SPIDR: variants seen among roughly 807,000 people sequenced by gnomAD.
SPIDR encodes the protein DNA repair-scaffolding protein.
A neutral mutation model predicts 104.6 loss-of-function variants in SPIDR; 93 were observed. The ratio of observed to expected loss-of-function variants is 0.89; its 90% CI spans 0.75 to 1.06. SPIDR has a LOEUF of 1.06. Ranked by LOEUF, SPIDR falls within the 50% of genes least tolerant of loss-of-function variation. SPIDR has a pLI of 0.00. For missense variants in SPIDR, 1,154 were observed against 1,111.2 expected, an observed-to-expected ratio of 1.04 and a Z score of -0.55; for synonymous variants, 431 against 416.9, an observed-to-expected ratio of 1.03 and a Z score of -0.41.
intron 14 of SPIDR, among the ~76,000 whole-genome samples, chr8:47,706,555 A>G (rs2081114569): frequency 6.6e-6 from 1 of 152,182 alleles, no homozygotes; most frequent in Non-Finnish European, 1.5e-5. Flanking sequence ...CTGTCACTGC[A>G]GTCAGAATCC....
At chr8:47,591,930 C>A (rs1483097508) in intron 8 of SPIDR, among the ~76,000 whole-genome samples, 3 of 152,142 alleles carry the variant, frequency 2.0e-5, no homozygotes, top group Admixed American at 1.3e-4. Flanking sequence ...TCACAACAAT[C>A]CAGATGATAC....
At chr8:47,405,807 T>C (rs375400658) in intron 6 of SPIDR, among the ~76,000 whole-genome samples, 2 of 152,298 alleles carry the variant, frequency 1.3e-5, no homozygotes, top group Middle Eastern at 3.4e-3. Context: ...ACATGAGATA[T>C]GTTTTTACTA....
chr8:47,583,142 C>CAA (rs199894320), intron 8 of SPIDR, among the ~76,000 whole-genome samples: 2,314 of 141,140 alleles, frequency 0.016, 32 homozygotes, highest in South Asian at 0.03. Context: ...ACTAAAAATA[C>CAA]AAAAAAAAAA....
chr8:47,406,101 T>C (rs1398369489), intron 6 of SPIDR, among the ~76,000 whole-genome samples: 2 of 152,258 alleles, frequency 1.3e-5, no homozygotes, highest in East Asian at 3.9e-4. Context: ...CTTTTTTTTT[T>C]TTTTTCTGTA....
At chr8:47,658,956 A>AAG (rs1554549813) in intron 10 of SPIDR, among the ~76,000 whole-genome samples, 5 of 151,396 alleles carry the variant, frequency 3.3e-5, no homozygotes, top group African/African-American at 1.2e-4. Flanking sequence ...AAAAAAAAAA[A>AAG]AAAAGAAAAG....
chr8:47,663,183 C>G lies in SPIDR; in HGVS notation c.1545-10618C>G, dbSNP rs147255702. The stretch of plus-strand genomic sequence containing the variant: ...AGCCTTTGCATAACTGGTTGCTTCT[C>G]TCTCTTTAGGCTCGGCCTAAAGGTC... On this transcript the variant is annotated intron_variant, in intron 10 of 19. Transcript: ENST00000297423. Among the ~76,000 whole-genome samples the G allele has an allele frequency of 2.9e-4, 44 of 152,358 alleles. No homozygotes were observed. The East Asian group carries it at 5.2e-3, about 18-fold the overall frequency.
At chr8:47,620,126 C>T (rs915432132) in intron 10 of SPIDR, among the ~76,000 whole-genome samples, 2 of 152,128 alleles carry the variant, frequency 1.3e-5, no homozygotes, top group Non-Finnish European at 2.9e-5. Flanking sequence ...CAGAGAATTA[C>T]AGCAGCTGCC....
At chr8:47,614,772 C>T (rs1015597608) in intron 10 of SPIDR, among the ~76,000 whole-genome samples, 1 of 152,098 alleles carries the variant, frequency 6.6e-6, no homozygotes, top group Non-Finnish European at 1.5e-5. Flanking sequence ...GAGGAATCAC[C>T]ACACTGTCTT....
chr8:47,508,469 C>T (rs896530902), intron 8 of SPIDR, among the ~76,000 whole-genome samples: 1 of 152,196 alleles, frequency 6.6e-6, no homozygotes, highest in Non-Finnish European at 1.5e-5. Context: ...CACAGGGCTG[C>T]ACACACAAAA....
intron 7 of SPIDR, among the ~76,000 whole-genome samples, chr8:47,419,507 C>T (rs1170036383): frequency 6.6e-6 from 1 of 152,094 alleles, no homozygotes; most frequent in Non-Finnish European, 1.5e-5. Flanking sequence ...ATTCTTCTCT[C>T]TTTTCTTCTT....
rs139611688 is a variant in SPIDR, at chr8:47,444,656, C to T, written c.1097+4114C>T. Among the ~76,000 whole-genome samples, 250 of 152,204 alleles carry T rather than the reference C, an allele frequency of 1.6e-3. 1 individual carries two copies. The highest frequency in any genetic ancestry group is 5.8e-3 in the African/African-American group (242 of 41,530). ...GGTGAAATATTTATCATTATACCTC[C>T]CTTCTGATTTGGTTCTTAGACTATT... On this transcript the variant is annotated intron_variant, in intron 8 of 19. Transcript: ENST00000297423.
chr8:47,644,624 G>A (rs575616429), intron 10 of SPIDR, among the ~76,000 whole-genome samples: 5 of 152,148 alleles, frequency 3.3e-5, no homozygotes, highest in African/African-American at 1.2e-4. Context: ...TAAAATGGAG[G>A]TTATGATGGT....
intron 5 of SPIDR, among the ~76,000 whole-genome samples, chr8:47,362,325 T>A (rs1403704162): frequency 6.6e-6 from 1 of 152,216 alleles, no homozygotes; most frequent in Non-Finnish European, 1.5e-5. Context: ...GAAAACTCCC[T>A]AAGTGCTATT....
chr8:47,468,303 T>A (rs2075205054), intron 8 of SPIDR, among the ~76,000 whole-genome samples: 1 of 152,204 alleles, frequency 6.6e-6, no homozygotes, highest in Non-Finnish European at 1.5e-5. Context: ...ATTTCAATAC[T>A]ATTCCTATCA....
intron 8 of SPIDR, among the ~76,000 whole-genome samples, chr8:47,578,124 C>T (rs2059329711): frequency 1.3e-5 from 2 of 152,228 alleles, no homozygotes; most frequent in African/African-American, 2.4e-5. Flanking sequence ...ATGCACTTCA[C>T]TTGTTAATAC....
chr8:47,727,462 T>C (rs1313448778), intron 17 of SPIDR, among the ~76,000 whole-genome samples, 169 bp downstream of exon 17: 1 of 152,204 alleles, frequency 6.6e-6, no homozygotes, highest in African/African-American at 2.4e-5. Context: ...CCAGTGGGTT[T>C]TCCTTACTGA....
intron 10 of SPIDR, among the ~76,000 whole-genome samples, chr8:47,635,967 A>T (rs1352655281): frequency 6.6e-6 from 1 of 152,234 alleles, no homozygotes; most frequent in Non-Finnish European, 1.5e-5. Context: ...GTAATTTGTG[A>T]ATGCTATACA....
intron 7 of SPIDR, among the ~76,000 whole-genome samples, chr8:47,424,998 A>G (rs782007134): frequency 6.6e-6 from 1 of 152,190 alleles, no homozygotes; most frequent in African/African-American, 2.4e-5. Flanking sequence ...CTTAAGCAAG[A>G]TACTTTATTT....
chr8:47,565,694 T>C (rs774604970), intron 8 of SPIDR, among the ~76,000 whole-genome samples: 1 of 151,540 alleles, frequency 6.6e-6, no homozygotes, highest in Non-Finnish European at 1.5e-5. Context: ...TTTTACATTA[T>C]GCTTTTTTAC....
Sources: gnomAD v4.1 joint callset for allele counts (sites outside exome capture counted in the v4.1 genomes callset) on GRCh38, gnomAD v4.1.1 for gene constraint, MANE v1.5 for transcripts, NCBI Gene and HGNC (gene_info 2026-07-23, HGNC 2026-07-21) for gene names.